DPP8: variants seen among roughly 807,000 people sequenced by gnomAD.
DPP8 encodes the protein dipeptidyl peptidase 8.
Under a neutral mutation model 107.5 loss-of-function variants are expected in DPP8, and 31 were observed. The ratio of observed to expected loss-of-function variants is 0.29; its 90% CI spans 0.22 to 0.39. DPP8 has a LOEUF of 0.39. Among genes scored for constraint, DPP8 ranks in the 10% least tolerant of loss-of-function variants. The probability of loss-of-function intolerance (pLI) is 1.00; values close to 1 mark genes in which losing one functional copy is unlikely to be tolerated. For missense variants in DPP8, 842 were observed against 1,076.1 expected (o/e 0.78, Z 3.04); for synonymous variants, 381 against 356.6 (o/e 1.07, Z -0.77).
chr15:65,515,070 C>G (rs1412380508), intron 1 of DPP8, among the ~76,000 whole-genome samples: 1 of 152,146 alleles, frequency 6.6e-6, no homozygotes, highest in East Asian at 1.9e-4. Context: ...CCTTGAACTC[C>G]TGGAATCAGA....
At chr15:65,453,268 A>G (rs146596890) in intron 17 of DPP8, among the ~76,000 whole-genome samples, 292 of 152,354 alleles carry the variant, frequency 1.9e-3, no homozygotes, top group African/African-American at 6.6e-3. Context: ...CTGCCCTCAT[A>G]GCTTGCAGTC....
rs2063347631 is a variant in DPP8, at chr15:65,442,905, A to G, written c.*3979T>C. The G allele has an allele frequency of 6.6e-6, 1 of 152,190 alleles. No homozygotes were observed. The highest frequency in any genetic ancestry group is 1.9e-4 in the East Asian group (1 of 5,196). 9.4% of individuals were successfully genotyped at this position (152,190 alleles called of 1,614,324 possible). ...GGGAATAGACACACTCACCTTATAT[A>G]GTTTAGAAATGGCCATGTCTCTTTT... is the stretch of plus-strand genomic sequence containing the variant. On this transcript the variant is annotated 3_prime_UTR_variant, in exon 20 of 20. Transcript: ENST00000300141.
intron 7 of DPP8, among the ~76,000 whole-genome samples, chr15:65,486,129 C>T (rs1262612820): frequency 2.8e-5 from 4 of 141,518 alleles, no homozygotes; most frequent in African/African-American, 5.3e-5. Context: ...AACGGCCGGG[C>T]GCAGTGGCTC....
chr15:65,507,275 G>C lies in DPP8; in HGVS notation c.340C>G (p.Leu114Val). 6.2e-7 allele frequency: 1 copy of C among 1,610,120 alleles called. No homozygotes were observed. Residue 114 changes from leucine to valine, a missense_variant, in exon 3 of 20, where the codon CTC becomes GTC. Physicochemically the swap from Leu to Val is conservative, Grantham distance 32. Around this residue, in one of 2 missense-constraint regions of DPP8, gnomAD observed 663 missense variants for 758.0 expected, o/e 0.87. Coordinates refer to ENST00000300141, the MANE Select transcript of DPP8 (RefSeq NM_130434.5). Reference protein sequence around the residue: ...KTINRAAVLMLSWKPLLDLFQ... With the variant: ...KTINRAAVLMVSWKPLLDLFQ... ...AGATCCAAAAGAGGCTTCCAAGAGA[G>C]CATTAAGACTGCTGCTCTATTGATA...
At chr15:65,465,236 T>C (rs1595900763) in intron 14 of DPP8, among the ~76,000 whole-genome samples, 1 of 150,902 alleles carries the variant, frequency 6.6e-6, no homozygotes, top group East Asian at 2.0e-4. Flanking sequence ...GGTGTGATCT[T>C]GGCTTACTGC....
chr15:65,500,825 T>A (rs754955521), intron 3 of DPP8, 46 bp from the exon 4 acceptor site: 1 of 1,452,218 alleles, frequency 6.9e-7, no homozygotes, highest in Non-Finnish European at 9.4e-7. Flanking sequence ...TGAAAAACCA[T>A]CTTTTGCTTT....
intron 8 of DPP8, 28 bp downstream of exon 8, chr15:65,485,071 G>A (rs1213766241): frequency 1.9e-6 from 3 of 1,562,488 alleles, no homozygotes; most frequent in Admixed American, 1.7e-5. Flanking sequence ...AAATGACGCA[G>A]AAGGTCAACT....
At chr15:65,448,314 G>T (rs993007558) in intron 19 of DPP8, among the ~76,000 whole-genome samples, 1 of 151,904 alleles carries the variant, frequency 6.6e-6, no homozygotes, top group Admixed American at 6.6e-5. Flanking sequence ...TGGGAGGATC[G>T]CTTGAGTTCA....
At chr15:65,464,925 T>C (rs1366028614) in intron 14 of DPP8, among the ~76,000 whole-genome samples, 1 of 152,120 alleles carries the variant, frequency 6.6e-6, no homozygotes, top group East Asian at 1.9e-4. Flanking sequence ...AATTTAATTT[T>C]TCAGGGTAGG....
At chr15:65,486,769 G>A (rs1356099511) in intron 7 of DPP8, among the ~76,000 whole-genome samples, 1 of 152,126 alleles carries the variant, frequency 6.6e-6, no homozygotes, top group African/African-American at 2.4e-5. Context: ...CTGATAAGTG[G>A]GAGCTAAGCT....
intron 2 of DPP8, among the ~76,000 whole-genome samples, chr15:65,508,210 G>C (rs2070314090): frequency 6.6e-6 from 1 of 151,544 alleles, no homozygotes; most frequent in Non-Finnish European, 1.5e-5. Context: ...ACTGCACTCT[G>C]GCCTGGGCAA....
At chr15:65,468,887 A>G (rs1220301159) in intron 12 of DPP8, among the ~76,000 whole-genome samples, 2 of 152,196 alleles carry the variant, frequency 1.3e-5, no homozygotes, top group South Asian at 2.1e-4. Context: ...AGGAAGTATC[A>G]TAATTGTGTG....
chr15:65,476,119 G>A (rs2066366041), intron 11 of DPP8, among the ~76,000 whole-genome samples: 1 of 152,168 alleles, frequency 6.6e-6, no homozygotes, highest in South Asian at 2.1e-4. Context: ...AGCTTAAAAA[G>A]TGAAAATCAT....
Position 65,500,737 on chromosome 15 carries a change from A to G in DPP8, c.415T>C (p.Leu139=), listed in dbSNP as rs1023657887. The G allele has an allele frequency of 1.9e-6, 3 of 1,613,940 alleles. No homozygotes were observed. The African/African-American group carries it at 4.0e-5, about 22-fold the overall frequency. ...YGMYSREEEL[L]RERKRIGTVG... ...GTTCCAATGCGTTTTCTTTCTCTTA[A>G]TAGTTCTTCTTCTCGAGAATACATT... The change falls in exon 4 of 20, where the codon TTA becomes CTA. Residue 139 remains leucine, a synonymous_variant. Transcript: ENST00000300141.
intron 19 of DPP8, among the ~76,000 whole-genome samples, chr15:65,448,579 G>C (rs2063642477): frequency 6.8e-6 from 1 of 147,610 alleles, no homozygotes; most frequent in African/African-American, 2.5e-5. Context: ...GGCTGGGGCA[G>C]TAGAATGGCG....
In DPP8 at chr15:65,480,326, G is replaced by A. The variant is rs1302907833; in HGVS notation, c.1192C>T (p.Pro398Ser). 5 of 1,610,178 alleles carry A rather than the reference G, an allele frequency of 3.1e-6. No individual in the cohort carries two copies. Among genetic ancestry groups the A allele is most frequent in the East Asian group, 2.2e-5 (1 of 44,692 alleles). The change falls in exon 10 of 20, where the codon CCA becomes TCA. Residue 398 changes from proline to serine, a missense_variant. Pro to Ser is a moderately conservative substitution (Grantham distance 74). Transcript: ENST00000300141. ...IVLISPELFI[P>S]VEDDVMERQR... Reference sequence around the variant, plus strand: ...CTTTCCATAACATCATCTTCTACTGGGATAAATAATTCAGGTGAGATCAAC... The same window carrying A: ...CTTTCCATAACATCATCTTCTACTGAGATAAATAATTCAGGTGAGATCAAC...
chr15:65,457,764 A>G (rs1377453677), intron 15 of DPP8, among the ~76,000 whole-genome samples: 1 of 152,118 alleles, frequency 6.6e-6, no homozygotes, highest in Non-Finnish European at 1.5e-5. Flanking sequence ...TACCTTGGGA[A>G]GAGGGCGTTT....
chr15:65,448,102 A>C (rs547707831), intron 19 of DPP8, among the ~76,000 whole-genome samples: 3 of 152,328 alleles, frequency 2.0e-5, no homozygotes, highest in African/African-American at 7.2e-5. Flanking sequence ...CCTAGCTTTA[A>C]GCCAGATGCA....
intron 5 of DPP8, among the ~76,000 whole-genome samples, chr15:65,497,636 T>C (rs2068741551): frequency 6.6e-6 from 1 of 152,218 alleles, no homozygotes; most frequent in Non-Finnish European, 1.5e-5. Flanking sequence ...TCAGAGGTTC[T>C]TTTGTTTCAC....
Sources: gnomAD v4.1 joint callset for allele counts (sites outside exome capture counted in the v4.1 genomes callset) on GRCh38, gnomAD v4.1.1 for gene constraint, gnomAD v4.1.1 regional missense constraint, MANE v1.5 for transcripts, NCBI Gene and HGNC (gene_info 2026-07-23, HGNC 2026-07-21) for gene names.